The following ZNF804B variants were observed in gnomAD, a reference collection of about 807,000 sequenced individuals.
ZNF804B encodes zinc finger 804B.
In ZNF804B, 80 loss-of-function variants were observed where a neutral mutation model predicts 101.4. The ratio of observed to expected loss-of-function variants is 0.79; its 90% CI spans 0.66 to 0.95. The LOEUF (loss-of-function observed/expected upper bound fraction) is 0.95, where lower values mean the gene tolerates loss of function less well. Ranked by LOEUF, ZNF804B falls within the 40% of genes least tolerant of loss-of-function variation. ZNF804B has a pLI of 0.00. For synonymous variants in ZNF804B, 622 were observed against 558.8 expected, an observed-to-expected ratio of 1.11 and a Z score of -1.59; for missense variants, 1,673 against 1,561.9, an observed-to-expected ratio of 1.07 and a Z score of -1.20.
intron 2 of ZNF804B, among the ~76,000 whole-genome samples, chr7:89,293,433 T>C (rs942509039): frequency 2.0e-5 from 3 of 152,118 alleles, no homozygotes; most frequent in African/African-American, 7.2e-5. Context: ...TTTAAATAAA[T>C]AAACTGTTTT....
At chr7:88,805,004 T>C (rs544859101) in intron 1 of ZNF804B, among the ~76,000 whole-genome samples, 1 of 152,316 alleles carries the variant, frequency 6.6e-6, no homozygotes, top group South Asian at 2.1e-4. Context: ...TAGAGTATTT[T>C]TTAATATATT....
At chr7:88,879,393 C>T (rs1026229875) in intron 1 of ZNF804B, among the ~76,000 whole-genome samples, 1 of 152,082 alleles carries the variant, frequency 6.6e-6, no homozygotes, top group African/African-American at 2.4e-5. Flanking sequence ...TATGCTACTG[C>T]ATATTTATCA....
At chr7:89,191,674 A>T (rs1024015550) in intron 1 of ZNF804B, among the ~76,000 whole-genome samples, 6 of 152,136 alleles carry the variant, frequency 3.9e-5, no homozygotes, top group African/African-American at 1.4e-4. Flanking sequence ...TATTTGAATG[A>T]CATTCAGTGG....
At chr7:88,870,173 T>G (rs1791797137) in intron 1 of ZNF804B, among the ~76,000 whole-genome samples, 1 of 150,106 alleles carries the variant, frequency 6.7e-6, no homozygotes. Context: ...GATCACGAGG[T>G]CAGGAGATCG....
At chr7:88,825,913 T>C (rs988415598) in intron 1 of ZNF804B, among the ~76,000 whole-genome samples, 2 of 152,186 alleles carry the variant, frequency 1.3e-5, no homozygotes, top group Non-Finnish European at 2.9e-5. Flanking sequence ...TGGTGAAATA[T>C]AGAACAAATA....
In ZNF804B at chr7:88,891,275, G is replaced by T. The variant is rs547711731; in HGVS notation, c.108+131191G>T. On this transcript the variant is annotated intron_variant, in intron 1 of 3. Coordinates refer to ENST00000333190, the MANE Select transcript of ZNF804B (RefSeq NM_181646.5). ...AGTGTGTTGAGACTATATTTGTAGG[G>T]TATACACTTTTGGTATTGCTCTCTC... Among the ~76,000 whole-genome samples, 10 of 152,112 alleles carry T rather than the reference G, an allele frequency of 6.6e-5. No homozygotes were observed. The East Asian group carries it at 1.3e-3, about 21-fold the overall frequency.
At chr7:89,155,170 C>G (rs181369993) in intron 1 of ZNF804B, among the ~76,000 whole-genome samples, 1 of 152,252 alleles carries the variant, frequency 6.6e-6, no homozygotes, top group Non-Finnish European at 1.5e-5. Flanking sequence ...TCAGATTTCT[C>G]TCTTGGGGTT....
chr7:88,854,536 TTCC>T (rs1375563913), intron 1 of ZNF804B, among the ~76,000 whole-genome samples: 29 of 67,256 alleles, frequency 4.3e-4, no homozygotes, highest in African/African-American at 1.1e-3. Flanking sequence ...CTTTCCTTCC[TTCC>T]TTCCTTCCTT....
chr7:88,835,290 A>G (rs970587453), intron 1 of ZNF804B, among the ~76,000 whole-genome samples: 3 of 151,792 alleles, frequency 2.0e-5, no homozygotes, highest in Middle Eastern at 3.2e-3. Context: ...CTACACCTTC[A>G]CATCACCAGT....
At chr7:89,319,092 G>A (rs900008538) in intron 2 of ZNF804B, among the ~76,000 whole-genome samples, 6 of 152,042 alleles carry the variant, frequency 3.9e-5, no homozygotes, top group African/African-American at 1.2e-4. Flanking sequence ...TTCCGCCCTG[G>A]GCAGGCCAGG....
intron 1 of ZNF804B, among the ~76,000 whole-genome samples, chr7:89,152,044 G>C (rs1478317068): frequency 6.6e-6 from 1 of 152,060 alleles, no homozygotes. Context: ...CATATGAATA[G>C]AACTAGCAGA....
intron 1 of ZNF804B, among the ~76,000 whole-genome samples, chr7:88,898,472 T>C (rs1331236397): frequency 6.6e-6 from 1 of 151,952 alleles, no homozygotes; most frequent in African/African-American, 2.4e-5. Context: ...TTGTTATCCA[T>C]GACGCCCCCT....
At chr7:89,248,437 A>G (rs1440648266) in intron 2 of ZNF804B, among the ~76,000 whole-genome samples, 8 of 150,232 alleles carry the variant, frequency 5.3e-5, no homozygotes, top group Admixed American at 5.3e-4. Flanking sequence ...AAACCAGGAG[A>G]GTTTGGAGGC....
intron 2 of ZNF804B, among the ~76,000 whole-genome samples, chr7:89,304,596 T>C (rs1361771600): frequency 1.3e-5 from 2 of 151,874 alleles, no homozygotes; most frequent in African/African-American, 4.8e-5. Flanking sequence ...CTAAAAAAGC[T>C]AAAGAGGAAC....
chr7:88,823,729 A>G (rs6974679), intron 1 of ZNF804B, among the ~76,000 whole-genome samples: 75,526 of 151,898 alleles, frequency 0.5, 20,582 homozygotes, highest in East Asian at 0.81. Context: ...GACAGCTTCT[A>G]CTATTGGGAT....
At chr7:89,077,211 G>T (rs1162884808) in intron 1 of ZNF804B, among the ~76,000 whole-genome samples, 1 of 152,184 alleles carries the variant, frequency 6.6e-6, no homozygotes, top group South Asian at 2.1e-4. Context: ...GGATCATCCA[G>T]ACCTGGAGAA....
chr7:89,091,824 C>T (rs1356398068), intron 1 of ZNF804B, among the ~76,000 whole-genome samples: 1 of 152,112 alleles, frequency 6.6e-6, no homozygotes, highest in Non-Finnish European at 1.5e-5. Context: ...GTTTTCTTCT[C>T]TCCTTGTCTC....
intron 1 of ZNF804B, among the ~76,000 whole-genome samples, chr7:89,076,222 T>C (rs1334655532): frequency 6.6e-6 from 1 of 152,114 alleles, no homozygotes; most frequent in Non-Finnish European, 1.5e-5. Flanking sequence ...AATTATATGG[T>C]TTGGCTGCAT....
At chr7:89,176,567 T>C (rs1293380702) in intron 1 of ZNF804B, among the ~76,000 whole-genome samples, 2 of 139,196 alleles carry the variant, frequency 1.4e-5, no homozygotes, top group African/African-American at 2.6e-5. Flanking sequence ...CTTTCTTTTC[T>C]TTTTTTTCTT....
Sources: allele counts gnomAD v4.1 joint callset (sites outside exome capture counted in the v4.1 genomes callset), GRCh38; gene constraint gnomAD v4.1.1; transcripts MANE v1.5; gene names NCBI Gene and HGNC (gene_info 2026-07-23, HGNC 2026-07-21).